TAFA4: variants seen among roughly 807,000 people sequenced by gnomAD.
TAFA4 encodes TAFA chemokine like family member 4, also known as chemokine-like protein TAFA-4.
A neutral mutation model predicts 21.1 loss-of-function variants in TAFA4; 20 were observed. The ratio of observed to expected loss-of-function variants is 0.95; its 90% CI spans 0.67 to 1.38. The LOEUF (loss-of-function observed/expected upper bound fraction) is 1.38. Ranked by LOEUF, TAFA4 falls within the 40% of genes most tolerant of loss-of-function variation. TAFA4 has a pLI of 0.00. For missense variants in TAFA4, 211 were observed against 180.9 expected, an observed-to-expected ratio of 1.17 and a Z score of -0.95; for synonymous variants, 71 against 67.4, an observed-to-expected ratio of 1.05 and a Z score of -0.26.
At chr3:68,828,910 C>T (rs1002973541) in intron 3 of TAFA4, among the ~76,000 whole-genome samples, 3 of 152,136 alleles carry the variant, frequency 2.0e-5, no homozygotes, top group Admixed American at 6.6e-5. Flanking sequence ...ACCTCCAATA[C>T]TATGTTGACT....
chr3:68,785,746 G>C (rs1289141162), intron 3 of TAFA4, among the ~76,000 whole-genome samples: 2 of 152,252 alleles, frequency 1.3e-5, no homozygotes, highest in African/African-American at 2.4e-5. Context: ...GGCTCCTCAA[G>C]TGCCACCAAA....
At chr3:68,827,671 G>A (rs576043013) in intron 3 of TAFA4, among the ~76,000 whole-genome samples, 2 of 152,292 alleles carry the variant, frequency 1.3e-5, no homozygotes, top group East Asian at 1.9e-4. Context: ...TTTGTTGGCT[G>A]CATAAATGTC....
chr3:68,809,619 C>CA (rs931289106), intron 3 of TAFA4, among the ~76,000 whole-genome samples: 28 of 149,548 alleles, frequency 1.9e-4, no homozygotes, highest in Middle Eastern at 3.5e-3. Flanking sequence ...GGATCACAGC[C>CA]AAAAAAAATT....
At chr3:68,812,732 T>A (rs1331044132) in intron 3 of TAFA4, among the ~76,000 whole-genome samples, 1 of 152,124 alleles carries the variant, frequency 6.6e-6, no homozygotes, top group Non-Finnish European at 1.5e-5. Flanking sequence ...AATGGGAGAC[T>A]TTAACACCCG....
intron 2 of TAFA4, among the ~76,000 whole-genome samples, chr3:68,882,333 A>C (rs1004652903): frequency 2.6e-5 from 4 of 152,088 alleles, no homozygotes; most frequent in African/African-American, 9.7e-5. Flanking sequence ...TTAAAAAAAA[A>C]AAAGAAAGAA....
chr3:68,860,728 CA>C (rs575678695), intron 3 of TAFA4, among the ~76,000 whole-genome samples: 3 of 150,988 alleles, frequency 2.0e-5, no homozygotes, highest in Admixed American at 6.6e-5. Flanking sequence ...TTCCAAGAAT[CA>C]AAAAAAATGC....
chr3:68,867,837 T>C (rs1347968813), intron 3 of TAFA4, among the ~76,000 whole-genome samples: 3 of 151,946 alleles, frequency 2.0e-5, no homozygotes, highest in Non-Finnish European at 2.9e-5. Context: ...CAAAAACCTA[T>C]AATAGATACA....
chr3:68,912,025 T>C (rs1486347601), intron 1 of TAFA4, among the ~76,000 whole-genome samples: 1 of 152,184 alleles, frequency 6.6e-6, no homozygotes, highest in Non-Finnish European at 1.5e-5. Flanking sequence ...TCCTTCTCCA[T>C]TCTTTGGGTC....
chr3:68,912,063 T>TC (rs1422630282), intron 1 of TAFA4, among the ~76,000 whole-genome samples: 1 of 152,172 alleles, frequency 6.6e-6, no homozygotes, highest in African/African-American at 2.4e-5. Context: ...TCCTGTACTT[T>TC]CGTTCTGTTT....
chr3:68,781,509 T>G (rs759243045), intron 3 of TAFA4, among the ~76,000 whole-genome samples: 2 of 152,076 alleles, frequency 1.3e-5, no homozygotes, highest in South Asian at 2.1e-4. Flanking sequence ...TTCGTGCCAA[T>G]AAGTTTGATA....
intron 4 of TAFA4, among the ~76,000 whole-genome samples, chr3:68,747,973 T>C (rs1403146578): frequency 6.6e-6 from 1 of 152,158 alleles, no homozygotes; most frequent in African/African-American, 2.4e-5. Context: ...TGCTGCCTTG[T>C]TCCCTGACTC....
At chr3:68,880,237 CTCTTT>C (rs966265359) in intron 3 of TAFA4, among the ~76,000 whole-genome samples, 2 of 152,154 alleles carry the variant, frequency 1.3e-5, no homozygotes, top group African/African-American at 2.4e-5. Context: ...ACAGCTTTTT[CTCTTT>C]TCTTTTTTTA....
intron 4 of TAFA4, among the ~76,000 whole-genome samples, chr3:68,747,242 G>GA (rs2106743432): frequency 2.2e-5 from 3 of 138,106 alleles, no homozygotes; most frequent in Non-Finnish European, 5.2e-5. Context: ...CCACTTGTGA[G>GA]TTTTCTCTCT....
At chr3:68,773,412 G>C (rs996273178) in intron 3 of TAFA4, among the ~76,000 whole-genome samples, 12 of 152,154 alleles carry the variant, frequency 7.9e-5, no homozygotes, top group African/African-American at 2.7e-4. Context: ...TCACCAATCA[G>C]GAAGTTCCAC....
intron 4 of TAFA4, among the ~76,000 whole-genome samples, chr3:68,749,482 G>T (rs147019183): frequency 1.3e-5 from 2 of 152,190 alleles, no homozygotes; most frequent in African/African-American, 4.8e-5. Flanking sequence ...TCCAATTAGG[G>T]CATGATACTG....
intron 3 of TAFA4, among the ~76,000 whole-genome samples, chr3:68,787,363 C>T (rs1703280331): frequency 1.3e-5 from 2 of 152,118 alleles, no homozygotes; most frequent in African/African-American, 4.8e-5. Context: ...CATGCCCTCA[C>T]TGTCACATAT....
intron 3 of TAFA4, among the ~76,000 whole-genome samples, chr3:68,812,428 C>T (rs951006883): frequency 2.0e-5 from 3 of 152,114 alleles, no homozygotes; most frequent in Non-Finnish European, 2.9e-5. Context: ...TTCAGGAAAT[C>T]CATCTCACAC....
intron 3 of TAFA4, among the ~76,000 whole-genome samples, chr3:68,849,771 C>G (rs563984828): frequency 2.6e-5 from 4 of 152,304 alleles, no homozygotes; most frequent in African/African-American, 7.2e-5. Flanking sequence ...AAAACCCCAG[C>G]CTTCATTCAC....
intron 3 of TAFA4, among the ~76,000 whole-genome samples, chr3:68,797,258 A>G (rs1376510382): frequency 6.6e-6 from 1 of 152,174 alleles, no homozygotes; most frequent in African/African-American, 2.4e-5. Flanking sequence ...AATGCCCATC[A>G]ACCAATGAAT....
Sources: gnomAD v4.1 joint callset for allele counts (sites outside exome capture counted in the v4.1 genomes callset) on GRCh38, gnomAD v4.1.1 for gene constraint, MANE v1.5 for transcripts, NCBI Gene and HGNC (gene_info 2026-07-23, HGNC 2026-07-21) for gene names.